ALCAM: variants seen among roughly 807,000 people sequenced by gnomAD.
ALCAM encodes the protein CD166 antigen.
In ALCAM, 30 loss-of-function variants were observed where a neutral mutation model predicts 70.9. That is an observed-to-expected ratio of 0.42 (90% CI 0.32 to 0.57). The LOEUF is 0.57. Ranked by LOEUF, ALCAM falls within the 20% of genes least tolerant of loss-of-function variation. The probability of loss-of-function intolerance (pLI) is 0.11; values close to 1 mark genes in which losing one functional copy is unlikely to be tolerated. For missense variants in ALCAM, 591 were observed against 695.1 expected (o/e 0.85, Z 1.68); for synonymous variants, 249 against 242.5 (o/e 1.03, Z -0.25).
chr3:105,375,048 T>A (rs1486861939), intron 1 of ALCAM, among the ~76,000 whole-genome samples: 1 of 152,214 alleles, frequency 6.6e-6, no homozygotes. Context: ...CAAATTCAGC[T>A]TGTTTGTGGT....
chr3:105,534,810 CAATT>C lies in ALCAM; in HGVS notation c.696_699del (p.His234LeufsTer15). The C allele has an allele frequency of 6.2e-7, 1 of 1,613,548 alleles. No homozygotes were observed. The highest frequency in any genetic ancestry group is 8.5e-7 in the Non-Finnish European group (1 of 1,179,716). On this transcript the variant is annotated frameshift_variant, in exon 6 of 16. Transcript: ENST00000306107. LOFTEE classifies it high-confidence loss of function. ...TATTATGGACCATCTGGCCAGAAAA[CAATT>C]CATTCTGAACAGGCAGTATTTGATA...
At chr3:105,445,769 T>G (rs1028934165) in intron 1 of ALCAM, among the ~76,000 whole-genome samples, 11 of 152,152 alleles carry the variant, frequency 7.2e-5, no homozygotes, top group Admixed American at 2.6e-4. Context: ...GAAAACTAGA[T>G]AGTCACCTGC....
At chr3:105,440,077 T>G (rs1937138472) in intron 1 of ALCAM, among the ~76,000 whole-genome samples, 1 of 152,212 alleles carries the variant, frequency 6.6e-6, no homozygotes, top group African/African-American at 2.4e-5. Flanking sequence ...AAAGCCCACT[T>G]AGTATTTACA....
At chr3:105,518,785 A>G (rs1419203814) in intron 1 of ALCAM, among the ~76,000 whole-genome samples, 1 of 152,082 alleles carries the variant, frequency 6.6e-6, no homozygotes, top group Non-Finnish European at 1.5e-5. Context: ...TTCTGTCTTA[A>G]CAATGTTAAA....
At chr3:105,379,098 A>G (rs1935448855) in intron 1 of ALCAM, among the ~76,000 whole-genome samples, 1 of 151,944 alleles carries the variant, frequency 6.6e-6, no homozygotes, top group Non-Finnish European at 1.5e-5. Flanking sequence ...CTGTTTTTTC[A>G]TTTGTTAATT....
chr3:105,529,207 G>A (rs1213590641), intron 3 of ALCAM, among the ~76,000 whole-genome samples: 1 of 152,174 alleles, frequency 6.6e-6, no homozygotes, highest in Non-Finnish European at 1.5e-5. Flanking sequence ...TAAATATTCA[G>A]TTGAATGATT....
At chr3:105,573,488 A>G (rs1321100125) in intron 15 of ALCAM, among the ~76,000 whole-genome samples, 1 of 152,180 alleles carries the variant, frequency 6.6e-6, no homozygotes, top group Non-Finnish European at 1.5e-5. Context: ...TAGTATATGT[A>G]TGTGTATGTG....
intron 1 of ALCAM, chr3:105,439,375 C>T (rs546809305): frequency 6.6e-6 from 1 of 151,762 alleles, no homozygotes; most frequent in African/African-American, 2.4e-5. Flanking sequence ...TGACATATGC[C>T]TCAGTTTTTG....
intron 1 of ALCAM, among the ~76,000 whole-genome samples, chr3:105,497,218 C>T (rs1938770611): frequency 6.6e-6 from 1 of 152,080 alleles, no homozygotes; most frequent in Non-Finnish European, 1.5e-5. Context: ...ACAGAATATA[C>T]TGAAGACAAG....
chr3:105,367,143 G>A lies in ALCAM; in HGVS notation c.-266G>A, dbSNP rs1018536072. On this transcript the variant is annotated 5_prime_UTR_variant, in exon 1 of 16. Coordinates refer to ENST00000306107, the MANE Select transcript of ALCAM (RefSeq NM_001627.4). ...TACTCAAGTGTCTCCTGGAAACAGA[G>A]GGTCGTTGTCCCCGGAGGAGCAGCC... The A allele has an allele frequency of 1.4e-5, 7 of 506,022 alleles. No individual in the cohort carries two copies. Among genetic ancestry groups the A allele is most frequent in the African/African-American group, 3.9e-5 (2 of 51,426 alleles). The allele number at this position is 506,022 out of a possible 1,614,324, so 31.3% of individuals were successfully genotyped here. A position where few individuals can be genotyped will look rare whatever the true frequency, so the allele number is the denominator to read the frequency against.
At chr3:105,523,754 C>T (rs1276849443) in intron 2 of ALCAM, among the ~76,000 whole-genome samples, 1 of 152,122 alleles carries the variant, frequency 6.6e-6, no homozygotes, top group Non-Finnish European at 1.5e-5. Flanking sequence ...AATTATTTTA[C>T]AAGGGTAAAT....
chr3:105,576,865 A>G lies in ALCAM; in HGVS notation c.*2414A>G, dbSNP rs960863304. 3 of 152,196 alleles carry G rather than the reference A, an allele frequency of 2.0e-5. No individual in the cohort carries two copies. Among genetic ancestry groups the G allele is most frequent in the Non-Finnish European group, 4.4e-5 (3 of 68,032 alleles). The allele number at this position is 152,196 out of a possible 1,614,324, so 9.4% of individuals were successfully genotyped here. ...TGGAAATGGATTAACATACCCGTCT[A>G]TGCCTAAAAGATAATAAAACTGAAA... On this transcript the variant is annotated 3_prime_UTR_variant, in exon 16 of 16. Coordinates refer to ENST00000306107, the MANE Select transcript of ALCAM (RefSeq NM_001627.4).
intron 1 of ALCAM, among the ~76,000 whole-genome samples, chr3:105,502,612 A>G (rs1938955844): frequency 6.6e-6 from 1 of 152,268 alleles, no homozygotes; most frequent in Admixed American, 6.5e-5. Context: ...CAGCTGGGAA[A>G]GAAAGACAGG....
intron 8 of ALCAM, chr3:105,544,827 C>G (rs1177378436): frequency 5.6e-6 from 1 of 179,246 alleles, no homozygotes; most frequent in Admixed American, 6.0e-5. Flanking sequence ...TCTAAAGATG[C>G]TTGATTTTCC....
intron 1 of ALCAM, among the ~76,000 whole-genome samples, chr3:105,404,869 T>A (rs958550637): frequency 6.6e-6 from 1 of 152,136 alleles, no homozygotes; most frequent in African/African-American, 2.4e-5. Flanking sequence ...ATGATTCACA[T>A]AAACTTATGA....
At chr3:105,380,479 A>G (rs180773118) in intron 1 of ALCAM, among the ~76,000 whole-genome samples, 1 of 152,006 alleles carries the variant, frequency 6.6e-6, no homozygotes, top group East Asian at 1.9e-4. Flanking sequence ...GAAGTATTGT[A>G]CCATGTGATT....
intron 2 of ALCAM, among the ~76,000 whole-genome samples, chr3:105,523,595 A>T (rs563013169): frequency 6.6e-6 from 1 of 152,202 alleles, no homozygotes; most frequent in Non-Finnish European, 1.5e-5. Flanking sequence ...GAAATGCGTT[A>T]TATGTCTCAG....
Position 105,426,636 on chromosome 3 carries a change from T to C in ALCAM, c.73+59155T>C, listed in dbSNP as rs148480339. Reference sequence around the variant, plus strand: ...CTATCTTACTGTAGATTTGTACTCGTTGACAAATATCTCTACAAGTGTTTT... The same window carrying C: ...CTATCTTACTGTAGATTTGTACTCGCTGACAAATATCTCTACAAGTGTTTT... On this transcript the variant is annotated intron_variant, in intron 1 of 15. Coordinates refer to ENST00000306107, the MANE Select transcript of ALCAM (RefSeq NM_001627.4). Among the ~76,000 whole-genome samples the C allele has an allele frequency of 3.7e-3, 566 of 152,050 alleles. 5 individuals carry two copies. Among genetic ancestry groups the C allele is most frequent in the Middle Eastern group, 0.027 (8 of 294 alleles).
chr3:105,455,170 G>A (rs367565818), intron 1 of ALCAM, among the ~76,000 whole-genome samples: 103 of 151,954 alleles, frequency 6.8e-4, no homozygotes, highest in African/African-American at 2.4e-3. Context: ...GGCCGGGCAC[G>A]GTGGCTCAAG....
Sources: allele counts gnomAD v4.1 joint callset (sites outside exome capture counted in the v4.1 genomes callset), GRCh38; gene constraint gnomAD v4.1.1; transcripts MANE v1.5; gene names NCBI Gene and HGNC (gene_info 2026-07-23, HGNC 2026-07-21).